Variants in RAPGEF5 observed in about 807,000 individuals in gnomAD.
The protein encoded by RAPGEF5 is Rap guanine nucleotide exchange factor 5.
RAPGEF5 carries 65 observed loss-of-function variants against 125.2 expected under a neutral mutation model. The ratio of observed to expected loss-of-function variants is 0.52; its 90% CI spans 0.43 to 0.64. RAPGEF5 has a LOEUF of 0.64. Ranked by LOEUF, RAPGEF5 falls within the 30% of genes least tolerant of loss-of-function variation. The pLI, the probability that RAPGEF5 is intolerant of heterozygous loss-of-function variation, is 0.00. For synonymous variants in RAPGEF5, 391 were observed against 385.9 expected, an observed-to-expected ratio of 1.01 and a Z score of -0.16; for missense variants, 958 against 1,048.1, an observed-to-expected ratio of 0.91 and a Z score of 1.19.
At chr7:22,341,831 C>T (rs929531596) in intron 1 of RAPGEF5, among the ~76,000 whole-genome samples, 3 of 152,178 alleles carry the variant, frequency 2.0e-5, no homozygotes, top group African/African-American at 7.2e-5. Context: ...GGGTATATTC[C>T]CCTCCAGGCT....
rs961683536 is a variant in RAPGEF5 at position 22,118,442 on chromosome 7, G to A, written c.*3964C>T. The stretch of plus-strand genomic sequence containing the variant: ...TTTACATATAAATTATTGCTTACTA[G>A]CTTCGATAAATACACAGCACAGTCA... On this transcript the variant is annotated 3_prime_UTR_variant, in exon 26 of 26. Transcript: ENST00000665637. 6.6e-6 allele frequency: 1 copy of A among 152,474 alleles called. No individual in the cohort carries two copies. The highest frequency in any genetic ancestry group is 1.5e-5 in the Non-Finnish European group (1 of 68,034). 9.4% of individuals were successfully genotyped at this position (152,474 alleles called of 1,614,324 possible).
At position 22,140,917 on chromosome 7, in the gene RAPGEF5, T is replaced by TA. The variant is rs796982316; in HGVS notation, c.2187-803dup. On this transcript the variant is annotated intron_variant, in intron 20 of 25. Transcript: ENST00000665637. ...TCTCTGAGATAGGGCTTTAAAATAA[T>TA]AAAAAAAAATTACCCTCCCTTGATC... Among the ~76,000 whole-genome samples the TA allele has an allele frequency of 7.7e-4, 116 of 151,566 alleles. 1 individual carries two copies. The highest frequency in any genetic ancestry group is 2.7e-3 in the African/African-American group (110 of 41,334).
intron 12 of RAPGEF5, among the ~76,000 whole-genome samples, chr7:22,164,485 A>G (rs1207055023): frequency 6.6e-6 from 1 of 152,240 alleles, no homozygotes; most frequent in Non-Finnish European, 1.5e-5. Context: ...TGAACTTTGT[A>G]GTCAAGCTGC....
chr7:22,352,136 T>C (rs1487439016), intron 1 of RAPGEF5, among the ~76,000 whole-genome samples: 3 of 152,154 alleles, frequency 2.0e-5, no homozygotes, highest in African/African-American at 4.8e-5. Context: ...ATGAAACAGA[T>C]ACCAAGACGT....
chr7:22,253,902 G>C (rs1463724991), intron 7 of RAPGEF5, among the ~76,000 whole-genome samples: 1 of 152,086 alleles, frequency 6.6e-6, no homozygotes. Flanking sequence ...AGAAGAACCT[G>C]TCAACTAAAA....
At chr7:22,250,659 CG>C (rs1583517638) in intron 7 of RAPGEF5, among the ~76,000 whole-genome samples, 3 of 151,228 alleles carry the variant, frequency 2.0e-5, no homozygotes, top group Admixed American at 6.6e-5. Context: ...AAAATGTCCC[CG>C]GGGGGAAAAA....
intron 7 of RAPGEF5, among the ~76,000 whole-genome samples, chr7:22,249,638 G>A (rs1267866401): frequency 7.9e-5 from 12 of 152,150 alleles, no homozygotes; most frequent in Non-Finnish European, 1.6e-4. Context: ...GCTTTCACTG[G>A]TAGAGAAACA....
At chr7:22,221,955 A>AT (rs1288176924) in intron 8 of RAPGEF5, among the ~76,000 whole-genome samples, 2 of 152,138 alleles carry the variant, frequency 1.3e-5, no homozygotes, top group Non-Finnish European at 2.9e-5. Flanking sequence ...ATAAAAAAAA[A>AT]CAAAGTTCTG....
intron 7 of RAPGEF5, among the ~76,000 whole-genome samples, chr7:22,235,263 T>C (rs906296808): frequency 2.6e-5 from 4 of 152,238 alleles, no homozygotes; most frequent in African/African-American, 4.8e-5. Flanking sequence ...TCATCTGATG[T>C]TCAACCTGAA....
intron 11 of RAPGEF5, among the ~76,000 whole-genome samples, chr7:22,169,348 T>G (rs1329089129): frequency 6.6e-6 from 1 of 152,250 alleles, no homozygotes; most frequent in African/African-American, 2.4e-5. Flanking sequence ...AAATTTGGAA[T>G]ATATAATGTG....
In RAPGEF5 at chr7:22,146,588, C is replaced by T. The variant is rs954744820; in HGVS notation, c.2007+309G>A. On this transcript the variant is annotated intron_variant, in intron 19 of 25. Transcript: ENST00000665637. ...ATGGAAAAAATAAACCTATCAATAT[C>T]AAAGATAAAATGGTTCATCAACCCC... Among the ~76,000 whole-genome samples, 17 of 152,224 alleles carry T rather than the reference C, an allele frequency of 1.1e-4. No homozygotes were observed. The South Asian group carries it at 2.1e-3, about 19-fold the overall frequency.
At chr7:22,149,574 G>T (rs1783553621) in intron 18 of RAPGEF5, among the ~76,000 whole-genome samples, 1 of 152,122 alleles carries the variant, frequency 6.6e-6, no homozygotes, top group Admixed American at 6.5e-5. Flanking sequence ...TTAAATTTTG[G>T]ACTGAAAGTA....
At chr7:22,274,142 A>C (rs1173924653) in intron 6 of RAPGEF5, among the ~76,000 whole-genome samples, 1 of 151,992 alleles carries the variant, frequency 6.6e-6, no homozygotes, top group African/African-American at 2.4e-5. Context: ...TTTTATAAAG[A>C]CTTTGATGTC....
intron 1 of RAPGEF5, among the ~76,000 whole-genome samples, chr7:22,325,192 C>T (rs1783791033): frequency 6.6e-6 from 1 of 152,204 alleles, no homozygotes; most frequent in Non-Finnish European, 1.5e-5. Flanking sequence ...ATATTTGCCA[C>T]TGAAATATAG....
chr7:22,307,035 G>A (rs1783358604), intron 5 of RAPGEF5, among the ~76,000 whole-genome samples: 1 of 152,158 alleles, frequency 6.6e-6, no homozygotes, highest in African/African-American at 2.4e-5. Flanking sequence ...GGCTATTCCG[G>A]ATCTTTTGTG....
intron 7 of RAPGEF5, among the ~76,000 whole-genome samples, chr7:22,237,621 A>G (rs1318974077): frequency 1.3e-5 from 2 of 152,006 alleles, no homozygotes; most frequent in South Asian, 2.1e-4. Context: ...TCCCTGCTAT[A>G]TTAGCCCCTA....
In RAPGEF5 at chr7:22,317,292, G is replaced by C. The variant is rs1026970653; in HGVS notation, c.282+695C>G. ...GTCTTGCTCTGTTGCCCAGGCTGGA[G>C]TGCAGTGGTGCGATCTCAGCTCACT... On this transcript the variant is annotated intron_variant, in intron 2 of 25. Coordinates refer to ENST00000665637, the MANE Select transcript of RAPGEF5 (RefSeq NM_012294.5). Among the ~76,000 whole-genome samples, 9 of 148,714 alleles carry C rather than the reference G, an allele frequency of 6.1e-5. No homozygotes were observed. In the South Asian group the frequency reaches 6.4e-4, roughly 11 times the overall value.
chr7:22,331,830 G>C (rs1583584389), intron 1 of RAPGEF5, among the ~76,000 whole-genome samples: 1 of 151,866 alleles, frequency 6.6e-6, no homozygotes, highest in South Asian at 2.1e-4. Context: ...AGTACATTCA[G>C]AACAGGGACA....
Position 22,230,831 on chromosome 7 carries a change from C to G in RAPGEF5, c.870+15G>C. The G allele has an allele frequency of 6.4e-7, 1 of 1,559,956 alleles. No homozygotes were observed. The highest frequency in any genetic ancestry group is 8.7e-7 in the Non-Finnish European group (1 of 1,149,214). On this transcript the variant is annotated intron_variant, in intron 8 of 25. Transcript: ENST00000665637. ...AGAAGGGTATGATGAGGGGCTGTCA[C>G]AGAATTGATCATACCTGAGAATCTG...
Sources: gnomAD v4.1 joint callset for allele counts (sites outside exome capture counted in the v4.1 genomes callset) on GRCh38, gnomAD v4.1.1 for gene constraint, MANE v1.5 for transcripts, NCBI Gene and HGNC (gene_info 2026-07-23, HGNC 2026-07-21) for gene names.